BIRC6: variants seen among roughly 807,000 people sequenced by gnomAD.
The protein encoded by BIRC6 is baculoviral IAP repeat containing 6, also known as dual E2 ubiquitin-conjugating enzyme/E3 ubiquitin-protein ligase BIRC6.
A neutral mutation model predicts 503.3 loss-of-function variants in BIRC6; 98 were observed. The ratio of observed to expected loss-of-function variants is 0.19; its 90% CI spans 0.17 to 0.23. The LOEUF is 0.23. Among genes scored for constraint, BIRC6 ranks in the 10% least tolerant of loss-of-function variants. The pLI is 1.00. For missense variants in BIRC6, 5,360 were observed against 5,806.0 expected, an observed-to-expected ratio of 0.92 and a Z score of 2.50; for synonymous variants, 2,240 against 2,078.7, an observed-to-expected ratio of 1.08 and a Z score of -2.11.
rs774539716 is a variant in BIRC6, at chr2:32,501,707, TC to T, written c.9032-5del. ...CTTTTAATGTGGTATCTTTTATTTT[TC>T]TTAGGAGCAAGTGGATTACATCTCA... On this transcript the variant is annotated splice_polypyrimidine_tract_variant and splice_region_variant and intron_variant, in intron 46 of 73. Coordinates refer to ENST00000421745, the MANE Select transcript of BIRC6 (RefSeq NM_016252.4). The T allele has an allele frequency of 9.3e-6, 15 of 1,604,876 alleles. No homozygotes were observed. The highest frequency in any genetic ancestry group is 3.3e-4 in the Middle Eastern group (2 of 6,004).
In BIRC6 at chr2:32,599,897, C is replaced by A; in HGVS notation, c.13989C>A (p.Gly4663=). 1 of 1,611,622 alleles carries A rather than the reference C, an allele frequency of 6.2e-7. No individual in the cohort carries two copies. The highest frequency in any genetic ancestry group is 8.5e-7 in the Non-Finnish European group (1 of 1,178,842). The part of the protein sequence containing the change: ...VRFNPNLYND[G]KVCLSILNTW... ...TCAATCCAAACCTTTATAATGATGG[C>A]AAGGTAAATTAATTGCAATTTTTTG... Residue 4663 remains glycine, a synonymous_variant, in exon 70 of 74, where the codon GGC becomes GGA. Transcript: ENST00000421745.
At chr2:32,412,241 A>G (rs1028251411) in intron 9 of BIRC6, among the ~76,000 whole-genome samples, 19 of 152,204 alleles carry the variant, frequency 1.2e-4, no homozygotes, top group African/African-American at 4.3e-4. Context: ...GCTCATGTCT[A>G]TAATCCGAGC....
In BIRC6 at chr2:32,389,195, A is replaced by G. The variant is rs1166623196; in HGVS notation, c.839+252A>G. Among the ~76,000 whole-genome samples, 6 of 152,320 alleles carry G rather than the reference A, an allele frequency of 3.9e-5. No individual in the cohort carries two copies. In the East Asian group the frequency reaches 1.2e-3, roughly 29 times the overall value. On this transcript the variant is annotated intron_variant, in intron 4 of 73. Coordinates refer to ENST00000421745, the MANE Select transcript of BIRC6 (RefSeq NM_016252.4). ...GTATTTGAAGGGATTATAAAGCCAC[A>G]TTTTGGAAATTCCAGTTTAGTACTT...
intron 46 of BIRC6, 22 bp downstream of exon 46, chr2:32,500,131 C>T (rs772252911): frequency 6.4e-7 from 1 of 1,550,886 alleles, no homozygotes; most frequent in Non-Finnish European, 8.7e-7. Flanking sequence ...GAATATTAAT[C>T]TTACCATTGT....
intron 66 of BIRC6, among the ~76,000 whole-genome samples, chr2:32,583,333 T>C (rs1263446110): frequency 6.6e-6 from 1 of 152,240 alleles, no homozygotes; most frequent in African/African-American, 2.4e-5. Flanking sequence ...CAGGGCTCTG[T>C]GTTTCTGTAA....
chr2:32,599,407 A>G (rs2061899047), intron 69 of BIRC6, among the ~76,000 whole-genome samples: 1 of 151,748 alleles, frequency 6.6e-6, no homozygotes, highest in South Asian at 2.1e-4. Flanking sequence ...AGGGAGGCCT[A>G]TGCAAGCGGA....
intron 17 of BIRC6, 106 bp from the exon 18 acceptor site, chr2:32,441,959 G>A (rs1259815831): frequency 4.8e-6 from 4 of 827,386 alleles, no homozygotes; most frequent in African/African-American, 1.7e-5. Context: ...AAATGTACTT[G>A]AGATGTTCAT....
chr2:32,471,388 T>C (rs2049082143), intron 32 of BIRC6, among the ~76,000 whole-genome samples: 1 of 152,240 alleles, frequency 6.6e-6, no homozygotes, highest in African/African-American at 2.4e-5. Flanking sequence ...GCAAGGTGTC[T>C]TCCCTCAGGC....
chr2:32,583,765 C>G (rs974972593), intron 66 of BIRC6, among the ~76,000 whole-genome samples: 2 of 152,164 alleles, frequency 1.3e-5, no homozygotes, highest in Non-Finnish European at 2.9e-5. Context: ...GTCTCTCACT[C>G]TGTCGCCCAG....
At chr2:32,593,857 G>A in intron 66 of BIRC6, 58 bp from the exon 67 acceptor site, 1 of 1,447,140 alleles carries the variant, frequency 6.9e-7, no homozygotes, top group Non-Finnish European at 9.6e-7. Context: ...TTATGGAGGT[G>A]TTTTAGTCCT....
chr2:32,433,003 C>T lies in BIRC6; in HGVS notation c.3249-641C>T, dbSNP rs79112485. Among the ~76,000 whole-genome samples the T allele has an allele frequency of 5.4e-3, 821 of 152,020 alleles. 10 individuals are homozygous for T. The highest frequency in any genetic ancestry group is 0.018 in the African/African-American group (735 of 41,474). ...TAGTGATGGAGGTAGTGAAAAGAGT[C>T]GTTAGATTCTGGATATAATTTGGAG... is the stretch of plus-strand genomic sequence containing the variant. On this transcript the variant is annotated intron_variant, in intron 12 of 73. Transcript: ENST00000421745.
chr2:32,596,792 C>T (rs990051662), intron 68 of BIRC6, among the ~76,000 whole-genome samples: 1 of 152,176 alleles, frequency 6.6e-6, no homozygotes, highest in Non-Finnish European at 1.5e-5. Context: ...GGCGTTTAGT[C>T]ATATTTCATA....
chr2:32,575,259 T>A lies in BIRC6; in HGVS notation c.13248T>A (p.Ser4416=). The A allele has an allele frequency of 6.2e-7, 1 of 1,614,014 alleles. No individual in the cohort carries two copies. Among genetic ancestry groups the A allele is most frequent in the Non-Finnish European group, 8.5e-7 (1 of 1,179,882 alleles). Residue 4416 remains serine, a synonymous_variant, in exon 66 of 74, where the codon TCT becomes TCA. Coordinates refer to ENST00000421745, the MANE Select transcript of BIRC6 (RefSeq NM_016252.4). Reference sequence around the variant, plus strand: ...TGGTGCCCCTATTGTTGCCCCTTTCTACAGAGAACGGTGAAGAGGAAGAAG... The same window carrying A: ...TGGTGCCCCTATTGTTGCCCCTTTCAACAGAGAACGGTGAAGAGGAAGAAG... The part of the protein sequence containing the change: ...AAMVPLLLPL[S]TENGEEEEEQ...
chr2:32,592,167 G>A (rs1007602980), intron 66 of BIRC6, among the ~76,000 whole-genome samples: 1 of 152,034 alleles, frequency 6.6e-6, no homozygotes, highest in Non-Finnish European at 1.5e-5. Flanking sequence ...GTACATAGAC[G>A]ACAGTTGATG....
intron 4 of BIRC6, among the ~76,000 whole-genome samples, chr2:32,389,912 T>A (rs1163482028): frequency 6.6e-6 from 1 of 150,758 alleles, no homozygotes; most frequent in African/African-American, 2.4e-5. Context: ...CAGGCTGGAG[T>A]GCAATGGCAC....
At chr2:32,573,193 T>C (rs2060034111) in intron 65 of BIRC6, among the ~76,000 whole-genome samples, 2 of 152,182 alleles carry the variant, frequency 1.3e-5, no homozygotes, top group Non-Finnish European at 2.9e-5. Context: ...AGGTTTTCAG[T>C]AAATGTTTTT....
At chr2:32,550,549 T>C (rs548553570) in intron 65 of BIRC6, among the ~76,000 whole-genome samples, 2 of 152,232 alleles carry the variant, frequency 1.3e-5, no homozygotes, top group Admixed American at 1.3e-4. Flanking sequence ...TTTGAGACTA[T>C]ACATTTTAAT....
At chr2:32,393,387 A>G (rs926770282) in intron 5 of BIRC6, among the ~76,000 whole-genome samples, 2 of 150,660 alleles carry the variant, frequency 1.3e-5, no homozygotes, top group Non-Finnish European at 3.0e-5. Context: ...TAGATGTAAT[A>G]TGTTATTTAA....
chr2:32,469,287 A>G (rs2048879730), intron 29 of BIRC6, 108 bp from the exon 30 acceptor site: 1 of 814,816 alleles, frequency 1.2e-6, no homozygotes, highest in Non-Finnish European at 1.9e-6. Context: ...ATAGAATATA[A>G]TTATCTACTG....
Sources: gnomAD v4.1 joint callset for allele counts (sites outside exome capture counted in the v4.1 genomes callset) on GRCh38, gnomAD v4.1.1 for gene constraint, MANE v1.5 for transcripts, NCBI Gene and HGNC (gene_info 2026-07-23, HGNC 2026-07-21) for gene names.